The following MIAT variants were observed in gnomAD, a reference collection of about 807,000 sequenced individuals.
The protein encoded by MIAT is myocardial infarction associated transcript, also known as MI related novel mRNA.
downstream of MIAT, chr22:26,671,147 A>G (rs904687527): frequency 1.3e-5 from 5 of 398,524 alleles, no homozygotes; most frequent in African/African-American, 1.0e-4. Context: ...GACCAGAACC[A>G]GGCAGGGGGT....
chr22:26,676,184 T>TG, exon 5 of MIAT: 1 of 301,748 alleles, frequency 3.3e-6, no homozygotes, highest in East Asian at 4.2e-5. Flanking sequence ...CATGTTGAGC[T>TG]GGGGGGATGC....
chr22:26,656,964 G>T (rs1286016107), intron 2 of MIAT, among the ~76,000 whole-genome samples: 2 of 152,238 alleles, frequency 1.3e-5, no homozygotes, highest in African/African-American at 4.8e-5. Context: ...TATAAATGTT[G>T]TTAGGCCAAA....
exon 6 of MIAT, chr22:26,668,174 C>T (rs373053719): frequency 4.4e-4 from 175 of 398,570 alleles, no homozygotes; most frequent in Admixed American, 6.2e-4. Context: ...CCATCTGGGC[C>T]GCATCTCCAG....
rs1036934622 is a variant in MIAT at position 26,647,372 on chromosome 22, G to A, written n.646+61G>A. Reference sequence around the variant, plus strand: ...TGTGGGGGCGGCGGGGACGTGGGGGGTGGAGAGAGAGAGAGAGAGAGAGAG... The same window carrying A: ...TGTGGGGGCGGCGGGGACGTGGGGGATGGAGAGAGAGAGAGAGAGAGAGAG... On this transcript the variant is annotated intron_variant and non_coding_transcript_variant, in intron 2 of 5. Coordinates refer to ENST00000643270, the Ensembl canonical transcript of MIAT. 50 of 296,222 alleles carry A rather than the reference G, an allele frequency of 1.7e-4. 1 individual carries two copies. The highest frequency in any genetic ancestry group is 1.5e-3 in the Admixed American group (22 of 14,656). The allele number at this position is 296,222 out of a possible 1,614,324, so 18.3% of individuals were successfully genotyped here.
At chr22:26,667,757 C>T (rs764891192) in intron 5 of MIAT, 7 of 169,728 alleles carry the variant, frequency 4.1e-5, no homozygotes, top group Non-Finnish European at 6.2e-5. Context: ...CGGCTCACTG[C>T]AGCCTTGAAC....
At chr22:26,658,230 G>A (rs769091343) in intron 2 of MIAT, 1 of 151,840 alleles carries the variant, frequency 6.6e-6, no homozygotes, top group African/African-American at 2.4e-5. Context: ...GGGCTGGTAG[G>A]TAACCCACCC....
At chr22:26,649,118 G>C (rs776717383) in intron 2 of MIAT, among the ~76,000 whole-genome samples, 1 of 152,182 alleles carries the variant, frequency 6.6e-6, no homozygotes, top group African/African-American at 2.4e-5. Context: ...CAATGTGACA[G>C]GGCCATGTGT....
exon 6 of MIAT, chr22:26,668,586 C>T: frequency 2.5e-6 from 1 of 398,964 alleles, no homozygotes; most frequent in Non-Finnish European, 4.4e-6. Context: ...ACACTTTCCC[C>T]AAGGCTGGGT....
chr22:26,668,571 T>A (rs1295201316), exon 6 of MIAT: 1 of 398,888 alleles, frequency 2.5e-6, no homozygotes, highest in East Asian at 3.6e-5. Flanking sequence ...AAGTCCCCAC[T>A]GACCACACTT....
At chr22:26,672,579 G>A, downstream of MIAT, 1 of 399,196 alleles carries the variant, frequency 2.5e-6, no homozygotes, top group Non-Finnish European at 4.4e-6. Context: ...CTGAGCTTTT[G>A]TGTCCTCTGG....
intron 3 of MIAT, among the ~76,000 whole-genome samples, chr22:26,664,941 A>C (rs528285155): frequency 6.6e-6 from 1 of 152,340 alleles, no homozygotes; most frequent in African/African-American, 2.4e-5. Flanking sequence ...TAAGCTTTGA[A>C]AATCATTAAC....
At chr22:26,672,751 A>G, downstream of MIAT, 1 of 398,994 alleles carries the variant, frequency 2.5e-6, no homozygotes, top group Non-Finnish European at 4.4e-6. Flanking sequence ...GAAGTCAGAA[A>G]GCGGAGCCTT....
downstream of MIAT, chr22:26,670,242 T>C: frequency 2.5e-6 from 1 of 398,450 alleles, no homozygotes; most frequent in Non-Finnish European, 4.4e-6. Context: ...TTCTACTCTC[T>C]CATCAGCACT....
At chr22:26,671,144 A>C, downstream of MIAT, 1 of 398,640 alleles carries the variant, frequency 2.5e-6, no homozygotes, top group Non-Finnish European at 4.4e-6. Flanking sequence ...GCTGACCAGA[A>C]CCAGGCAGGG....
At position 26,666,463 on chromosome 22, in the gene MIAT, T is replaced by C. The variant is rs1930846430; in HGVS notation, n.1662T>C. 1.3e-5 allele frequency: 5 copies of C among 398,526 alleles called. No individual in the cohort carries two copies. The South Asian group carries it at 6.4e-4, about 51-fold the overall frequency. The allele number at this position is 398,526 out of a possible 1,614,324, so 24.7% of individuals were successfully genotyped here. A position where few individuals can be genotyped will look rare whatever the true frequency, so the allele number is the denominator to read the frequency against. On this transcript the variant is annotated non_coding_transcript_exon_variant, in exon 4 of 6. Coordinates refer to ENST00000643270, the Ensembl canonical transcript of MIAT. ...TGCTTCAAACAATGGGTGATTACCGTGCACCTTGAGTGAATGTCAAGGCAG... is the reference window on the plus strand; with the variant it reads ...TGCTTCAAACAATGGGTGATTACCGCGCACCTTGAGTGAATGTCAAGGCAG...
At chr22:26,654,801 T>G (rs1490107020) in intron 2 of MIAT, among the ~76,000 whole-genome samples, 2 of 152,104 alleles carry the variant, frequency 1.3e-5, no homozygotes, top group Non-Finnish European at 2.9e-5. Flanking sequence ...AAGCTCCGCC[T>G]CCTGGGTTCA....
rs1930836548 is a variant in MIAT at position 26,666,121 on chromosome 22, G to A, written n.1320G>A. The A allele has an allele frequency of 1.3e-5, 5 of 398,478 alleles. 1 individual carries two copies. Among genetic ancestry groups the A allele is most frequent in the South Asian group, 2.5e-4 (2 of 7,852 alleles). The allele number at this position is 398,478 out of a possible 1,614,324, so 24.7% of individuals were successfully genotyped here. A position where few individuals can be genotyped will look rare whatever the true frequency, so the allele number is the denominator to read the frequency against. On this transcript the variant is annotated non_coding_transcript_exon_variant, in exon 4 of 6. Coordinates refer to ENST00000643270, the Ensembl canonical transcript of MIAT. ...GTTCTGGACTCGTGCCCCCACTCCC[G>A]GGTGCTGACAGCAAGCTCTGAAGAT...
exon 5 of MIAT, chr22:26,675,973 G>A (rs749837903): frequency 1.0e-4 from 40 of 398,514 alleles, no homozygotes; most frequent in Non-Finnish European, 5.7e-5. Flanking sequence ...CAATATTAGA[G>A]GAGGCTGAGC....
At chr22:26,662,736 A>G (rs912521413) in intron 2 of MIAT, among the ~76,000 whole-genome samples, 3 of 152,200 alleles carry the variant, frequency 2.0e-5, no homozygotes, top group Non-Finnish European at 4.4e-5. Flanking sequence ...ATCTCCGAGT[A>G]GTCATTTTAT....
Sources: allele counts gnomAD v4.1 joint callset (sites outside exome capture counted in the v4.1 genomes callset), GRCh38; gene constraint gnomAD v4.1.1; transcripts MANE v1.5; gene names NCBI Gene and HGNC (gene_info 2026-07-23, HGNC 2026-07-21).